MYCT1: variants seen among roughly 807,000 people sequenced by gnomAD.
MYCT1 encodes MYC target 1.
A neutral mutation model predicts 15.0 loss-of-function variants in MYCT1; 12 were observed. That is an observed-to-expected ratio of 0.80 (90% confidence interval 0.51 to 1.29). MYCT1 has a LOEUF of 1.29. Among genes scored for constraint, MYCT1 ranks in the 50% most tolerant of loss-of-function variants. The probability of loss-of-function intolerance (pLI) is 0.00; values close to 1 mark genes in which losing one functional copy is unlikely to be tolerated. For synonymous variants in MYCT1, 104 were observed against 102.7 expected, an observed-to-expected ratio of 1.01 and a Z score of -0.07; for missense variants, 287 against 279.1, an observed-to-expected ratio of 1.03 and a Z score of -0.20.
At chr6:152,745,086 C>A in the MYCT1 span, among the ~76,000 whole-genome samples, 2 of 152,088 alleles carry the variant, frequency 1.3e-5, no homozygotes, top group East Asian at 3.9e-4. Flanking sequence ...CTCCATCCTG[C>A]CCCCGTGCTC....
intron 1 of MYCT1, among the ~76,000 whole-genome samples, chr6:152,719,845 A>T (rs1218394647): frequency 6.6e-6 from 1 of 152,178 alleles, no homozygotes; most frequent in African/African-American, 2.4e-5. Flanking sequence ...TAACTCCTTT[A>T]TATATATGTA....
intron 1 of MYCT1, 52 bp from the exon 2 acceptor site, chr6:152,721,689 TA>T: frequency 1.3e-6 from 2 of 1,527,574 alleles, no homozygotes; most frequent in Non-Finnish European, 1.8e-6. Context: ...CCCTTGTTTT[TA>T]GTTGAAAACC....
intron 1 of MYCT1, among the ~76,000 whole-genome samples, chr6:152,700,070 A>G (rs2099721059): frequency 6.6e-6 from 1 of 152,148 alleles, no homozygotes; most frequent in South Asian, 2.1e-4. Context: ...TATATAAAAG[A>G]TTGTATTATT....
the MYCT1 span, among the ~76,000 whole-genome samples, chr6:152,732,129 CT>C: frequency 6.6e-6 from 1 of 152,122 alleles, no homozygotes; most frequent in Non-Finnish European, 1.5e-5. Context: ...GACATACAGA[CT>C]TTTGTTTTGT....
intron 1 of MYCT1, among the ~76,000 whole-genome samples, chr6:152,719,944 C>T (rs556342410): frequency 1.2e-4 from 19 of 152,216 alleles, no homozygotes; most frequent in Non-Finnish European, 2.1e-4. Context: ...TATCAGAGAG[C>T]TTTTGCCATG....
the MYCT1 span, among the ~76,000 whole-genome samples, chr6:152,736,431 AG>A: frequency 6.6e-6 from 1 of 152,164 alleles, no homozygotes; most frequent in Non-Finnish European, 1.5e-5. Flanking sequence ...TCAATGAGGC[AG>A]GATTCACTTC....
chr6:152,718,497 C>T (rs1024114502), intron 1 of MYCT1, among the ~76,000 whole-genome samples: 1 of 152,134 alleles, frequency 6.6e-6, no homozygotes, highest in Non-Finnish European at 1.5e-5. Flanking sequence ...CCTCTCACCT[C>T]GGCCTCGCAA....
rs777114711 is a variant in MYCT1 at position 152,697,923 on chromosome 6, G to A, written c.21G>A (p.Glu7=). Residue 7 remains glutamate, a synonymous_variant, in exon 1 of 2, where the codon GAG becomes GAA. Coordinates refer to ENST00000367245, the MANE Select transcript of MYCT1 (RefSeq NM_025107.3). Reference sequence around the variant, plus strand: ...CTTTTATGCGAACACAAGTATATGAGGGGTTGTGTAAAAATTATTTTTCTC... The same window carrying A: ...CTTTTATGCGAACACAAGTATATGAAGGGTTGTGTAAAAATTATTTTTCTC... MRTQVY[E]GLCKNYFSLA... is the part of the protein sequence containing the mutation. The A allele has an allele frequency of 3.1e-6, 5 of 1,594,478 alleles. No homozygotes were observed. Among genetic ancestry groups the A allele is most frequent in the Non-Finnish European group, 3.4e-6 (4 of 1,172,612 alleles).
chr6:152,728,657 A>G (rs1310340398), downstream of MYCT1, among the ~76,000 whole-genome samples: 1 of 152,146 alleles, frequency 6.6e-6, no homozygotes, highest in African/African-American at 2.4e-5. Flanking sequence ...GTACTTTGGG[A>G]GTGTGAGGCA....
At chr6:152,734,359 T>C in the MYCT1 span, among the ~76,000 whole-genome samples, 29 of 152,198 alleles carry the variant, frequency 1.9e-4, no homozygotes, top group Non-Finnish European at 3.4e-4. Context: ...GCAAAACTTA[T>C]GGTTCAAATT....
chr6:152,729,487 C>G (rs9383639), downstream of MYCT1, among the ~76,000 whole-genome samples: 9,219 of 152,180 alleles, frequency 0.061, 436 homozygotes, highest in East Asian at 0.17. Flanking sequence ...AATGATTGCT[C>G]TTACATATGA....
At chr6:152,705,253 G>GT (rs900640172) in intron 1 of MYCT1, among the ~76,000 whole-genome samples, 2 of 152,146 alleles carry the variant, frequency 1.3e-5, no homozygotes, top group Non-Finnish European at 2.9e-5. Context: ...TTAGCCTACA[G>GT]TTGAGCAAAA....
the MYCT1 span, among the ~76,000 whole-genome samples, chr6:152,736,037 G>A: frequency 6.6e-6 from 1 of 152,092 alleles, no homozygotes; most frequent in African/African-American, 2.4e-5. Context: ...CCAAGGGGAA[G>A]CAAAGTGGAG....
the MYCT1 span, among the ~76,000 whole-genome samples, chr6:152,743,451 T>C: frequency 6.6e-6 from 1 of 152,218 alleles, no homozygotes; most frequent in Non-Finnish European, 1.5e-5. Context: ...CCCGTTAGGA[T>C]GCATCTCAAC....
At chr6:152,732,677 G>A in the MYCT1 span, among the ~76,000 whole-genome samples, 2 of 152,190 alleles carry the variant, frequency 1.3e-5, no homozygotes, top group Non-Finnish European at 2.9e-5. Flanking sequence ...TTTATTATAA[G>A]TGTGTAGTAT....
chr6:152,704,766 A>G (rs780581528), intron 1 of MYCT1, among the ~76,000 whole-genome samples: 5 of 152,220 alleles, frequency 3.3e-5, no homozygotes, highest in African/African-American at 1.2e-4. Flanking sequence ...AAGGTGTCCA[A>G]CATGATATTT....
Position 152,722,049 on chromosome 6 carries a change from T to C in MYCT1, c.504T>C (p.His168=). ...CAAGTTTCAGAGCTTCTACTTTCCA[T>C]CCCTTTCTGCAATGTCCACCACTTC... ...RKSSFRASTF[H]PFLQCPPLPV... Residue 168 remains histidine (H), a synonymous_variant, in exon 2 of 2, where the codon CAT becomes CAC. Coordinates refer to ENST00000367245, the MANE Select transcript of MYCT1 (RefSeq NM_025107.3). 1 of 1,614,146 alleles carries C rather than the reference T, an allele frequency of 6.2e-7. No homozygotes were observed. Among genetic ancestry groups the C allele is most frequent in the Non-Finnish European group, 8.5e-7 (1 of 1,180,022 alleles).
rs2099724820 is a variant in MYCT1, at chr6:152,722,123, C to T, written c.578C>T (p.Ser193Phe). Reference sequence around the variant, plus strand: ...GTGACTCTCCCTTCTTCCAATATCTCTCCCACCATCAGCACTTCCCACAGT... The same window carrying T: ...GTGACTCTCCCTTCTTCCAATATCTTTCCCACCATCAGCACTTCCCACAGT... ...QLVTLPSSNISPTISTSHSLS... is the reference protein window; with the variant it reads ...QLVTLPSSNIFPTISTSHSLS... Residue 193 changes from serine (S) to phenylalanine (F), a missense_variant, in exon 2 of 2, where the codon TCT becomes TTT. Coordinates refer to ENST00000367245, the MANE Select transcript of MYCT1 (RefSeq NM_025107.3). The T allele has an allele frequency of 6.2e-7, 1 of 1,614,180 alleles. No homozygotes were observed. The highest frequency in any genetic ancestry group is 1.1e-5 in the South Asian group (1 of 91,080).
chr6:152,700,438 GTTTACTT>G, intron 1 of MYCT1, among the ~76,000 whole-genome samples: 1 of 152,176 alleles, frequency 6.6e-6, no homozygotes, highest in Non-Finnish European at 1.5e-5. Context: ...AACTTTTCTG[GTTTACTT>G]TAATGAGCGC....
Sources: allele counts gnomAD v4.1 joint callset (sites outside exome capture counted in the v4.1 genomes callset), GRCh38; gene constraint gnomAD v4.1.1; transcripts MANE v1.5; gene names NCBI Gene and HGNC (gene_info 2026-07-23, HGNC 2026-07-21).